Variants in DUSP14 observed in about 807,000 individuals in gnomAD.
DUSP14 encodes the protein dual specificity protein phosphatase 14.
Under a neutral mutation model 13.2 loss-of-function variants are expected in DUSP14, and 5 were observed. The observed-to-expected ratio is 0.38, with a 90% CI of 0.20 to 0.80. The LOEUF (loss-of-function observed/expected upper bound fraction) is 0.80, where lower values mean the gene tolerates loss of function less well. Among genes scored for constraint, DUSP14 ranks in the 30% least tolerant of loss-of-function variants. The pLI, the probability that DUSP14 is intolerant of heterozygous loss-of-function variation, is 0.44. For synonymous variants in DUSP14, 91 were observed against 103.4 expected (o/e 0.88, Z 0.73); for missense variants, 185 against 264.0 (o/e 0.70, Z 2.07).
intron 1 of DUSP14, 40 bp downstream of exon 1, chr17:37,489,998 AGGTGTT>A (rs2054015661): frequency 1.1e-4 from 1 of 9,010 alleles, no homozygotes; most frequent in Non-Finnish European, 2.5e-4. Context: ...GTTGTGGGGA[AGGTGTT>A]GGGGTGGGGC....
chr17:37,511,937 A>AGGTTTTTTTTTTTTTT (rs1329764853), intron 2 of DUSP14, among the ~76,000 whole-genome samples: 1 of 16,442 alleles, frequency 6.1e-5, no homozygotes, highest in Non-Finnish European at 1.2e-4. Context: ...CCCCCACCCC[A>AGGTTTTTTTTTTTTTT]CTTTTTTTTT....
chr17:37,492,692 A>G (rs529614342), intron 1 of DUSP14, among the ~76,000 whole-genome samples: 1 of 152,216 alleles, frequency 6.6e-6, no homozygotes, highest in Non-Finnish European at 1.5e-5. Context: ...CATTAGATTT[A>G]TTGAATTGTG....
intron 1 of DUSP14, among the ~76,000 whole-genome samples, chr17:37,499,846 AT>A (rs1409467560): frequency 6.6e-6 from 1 of 152,234 alleles, no homozygotes; most frequent in Non-Finnish European, 1.5e-5. Context: ...TGTTTTACTA[AT>A]TAGTAATGTA....
In DUSP14 at chr17:37,513,211, C is replaced by T; in HGVS notation, c.*342C>T. ...TGGTAGGTGCAGGAGGAGCTCAGTG[C>T]AAAAATCACTTTGGGGCCTCATTAA... On this transcript the variant is annotated 3_prime_UTR_variant, in exon 3 of 3. Coordinates refer to ENST00000617516, the MANE Select transcript of DUSP14 (RefSeq NM_007026.4). The T allele has an allele frequency of 3.7e-6, 1 of 267,868 alleles. No homozygotes were observed. The highest frequency in any genetic ancestry group is 7.5e-6 in the Non-Finnish European group (1 of 132,548). The allele number at this position is 267,868 out of a possible 1,614,324, so 16.6% of individuals were successfully genotyped here. A position where few individuals can be genotyped will look rare whatever the true frequency, so the allele number is the denominator to read the frequency against.
chr17:37,496,869 T>C (rs1339637069), intron 1 of DUSP14, among the ~76,000 whole-genome samples: 1 of 146,162 alleles, frequency 6.8e-6, no homozygotes, highest in African/African-American at 2.5e-5. Context: ...TGAGCAGAGA[T>C]TGAGCCACTG....
chr17:37,512,668 G>C lies in DUSP14; in HGVS notation c.396G>C (p.Val132=), dbSNP rs762225093. The C allele has an allele frequency of 6.2e-7, 1 of 1,613,926 alleles. No homozygotes were observed. The highest frequency in any genetic ancestry group is 1.3e-5 in the African/African-American group (1 of 75,062). The stretch of plus-strand genomic sequence containing the variant: ...CGTACCTGATGAAATTCCACAACGT[G>C]TGCCTGCTGGAGGCGTACAACTGGG... The part of the protein sequence containing the change: ...CIAYLMKFHN[V]CLLEAYNWVK... Residue 132 remains valine (V), a synonymous_variant, in exon 3 of 3, where the codon GTG becomes GTC. Transcript: ENST00000617516. This position sits in a 1 kb window ranked among gnomAD's most constrained non-coding sequence, Gnocchi z 4.8.
intron 2 of DUSP14, among the ~76,000 whole-genome samples, chr17:37,511,911 A>G (rs1243478516): frequency 2.1e-5 from 2 of 97,172 alleles, no homozygotes; most frequent in South Asian, 3.6e-4. Context: ...ATGAGCCACC[A>G]TGCCCAGCCA....
At chr17:37,493,563 C>G (rs2054043235) in intron 1 of DUSP14, among the ~76,000 whole-genome samples, 1 of 152,088 alleles carries the variant, frequency 6.6e-6, no homozygotes, top group Non-Finnish European at 1.5e-5. Context: ...CTGTCATGTG[C>G]TAGCGTATTT....
chr17:37,509,189 G>T (rs1306347643), intron 1 of DUSP14, among the ~76,000 whole-genome samples: 3 of 89,340 alleles, frequency 3.4e-5, no homozygotes, highest in Admixed American at 1.3e-4. Context: ...TATGTACTAT[G>T]TATATGTGTA....
chr17:37,512,280 C>G lies in DUSP14; in HGVS notation c.8C>G (p.Ser3Cys). The change falls in exon 3 of 3, where the codon TCC becomes TGC. Residue 3 changes from serine to cysteine, a missense_variant. Ser to Cys is a moderately radical substitution (Grantham distance 112). Transcript: ENST00000617516. The surrounding 1 kb of genome is among the most constrained non-coding windows in gnomAD (Gnocchi z 4.8). Reference sequence around the variant, plus strand: ...GTGACTGCTGGCGTCTTCATGAGCTCCAGAGGTCACAGCACGCTACCAAGG... The same window carrying G: ...GTGACTGCTGGCGTCTTCATGAGCTGCAGAGGTCACAGCACGCTACCAAGG... Reference protein sequence around the residue: MSSRGHSTLPRTL... With the variant: MSCRGHSTLPRTL... 2 of 1,603,168 alleles carry G rather than the reference C, an allele frequency of 1.2e-6. No homozygotes were observed. Among genetic ancestry groups the G allele is most frequent in the Non-Finnish European group, 1.7e-6 (2 of 1,172,632 alleles).
chr17:37,505,184 C>G (rs896455529), intron 1 of DUSP14, among the ~76,000 whole-genome samples: 1 of 152,202 alleles, frequency 6.6e-6, no homozygotes, highest in East Asian at 1.9e-4. Context: ...TAAAGTGATA[C>G]AACCACCTTG....
intron 1 of DUSP14, among the ~76,000 whole-genome samples, chr17:37,495,899 C>T (rs1296657706): frequency 6.6e-6 from 1 of 152,070 alleles, no homozygotes; most frequent in Non-Finnish European, 1.5e-5. Context: ...ACCTCGTGAT[C>T]CACCTGCCTC....
Position 37,512,748 on chromosome 17 carries a change from T to TAA in DUSP14, c.477_478insAA (p.Asp160LysfsTer22). 6.2e-7 allele frequency: 1 copy of TAA among 1,613,996 alleles called. No homozygotes were observed. The highest frequency in any genetic ancestry group is 8.5e-7 in the Non-Finnish European group (1 of 1,180,042). On this transcript the variant is annotated frameshift_variant, in exon 3 of 3. Transcript: ENST00000617516. LOFTEE classifies it high-confidence loss of function. The surrounding 1 kb of genome is among the most constrained non-coding windows in gnomAD (Gnocchi z 4.8). Reference sequence around the variant, plus strand: ...AACGTAGGCTTCTGGAGGCAACTGATAGACTACGAGCGCCAGCTCTTTGGG... The same window carrying TAA: ...AACGTAGGCTTCTGGAGGCAACTGATAAAGACTACGAGCGCCAGCTCTTTGGG...
chr17:37,507,501 G>A (rs2054145876), intron 1 of DUSP14, among the ~76,000 whole-genome samples: 1 of 152,208 alleles, frequency 6.6e-6, no homozygotes, highest in Admixed American at 6.5e-5. Context: ...CACCCAGGCT[G>A]GAGTGCAATG....
Position 37,512,735 on chromosome 17 carries a change from T to C in DUSP14, c.463T>C (p.Trp155Arg). 6.2e-7 allele frequency: 1 copy of C among 1,614,046 alleles called. No homozygotes were observed. The highest frequency in any genetic ancestry group is 1.3e-5 in the African/African-American group (1 of 75,062). The change falls in exon 3 of 3, where the codon TGG (tryptophan) becomes CGG (arginine). Residue 155 changes from tryptophan (W) to arginine (R), a missense_variant. Transcript: ENST00000617516. The surrounding 1 kb of genome is among the most constrained non-coding windows in gnomAD (Gnocchi z 4.8). ...TGTCATCAGGCCCAACGTAGGCTTC[T>C]GGAGGCAACTGATAGACTACGAGCG... ...RPVIRPNVGF[W>R]RQLIDYERQL...
intron 1 of DUSP14, among the ~76,000 whole-genome samples, chr17:37,508,205 G>A (rs887646022): frequency 2.0e-5 from 3 of 152,206 alleles, no homozygotes; most frequent in Non-Finnish European, 4.4e-5. Context: ...CAGTACACCT[G>A]GTGCCTCAGT....
chr17:37,509,163 ACACACT>A (rs1271097449), intron 1 of DUSP14, among the ~76,000 whole-genome samples: 7 of 58,234 alleles, frequency 1.2e-4, no homozygotes, highest in South Asian at 9.6e-4. Context: ...ACACACACAC[ACACACT>A]CTATATATAT....
At chr17:37,499,436 C>T (rs1302728428) in intron 1 of DUSP14, among the ~76,000 whole-genome samples, 13 of 152,116 alleles carry the variant, frequency 8.5e-5, no homozygotes, top group Admixed American at 5.2e-4. Context: ...AACTCCTGGG[C>T]TCAAGCAATC....
intron 1 of DUSP14, among the ~76,000 whole-genome samples, chr17:37,490,191 C>T (rs2054017719): frequency 6.6e-6 from 1 of 151,210 alleles, no homozygotes. Flanking sequence ...CCCTCGCCGG[C>T]CCTGAGCGTG....
Sources: allele counts gnomAD v4.1 joint callset (sites outside exome capture counted in the v4.1 genomes callset), GRCh38; gene constraint gnomAD v4.1.1; non-coding constraint Gnocchi (gnomAD v3.1); transcripts MANE v1.5; gene names NCBI Gene and HGNC (gene_info 2026-07-23, HGNC 2026-07-21).